The following CES2 variants were observed in gnomAD, a reference collection of about 807,000 sequenced individuals.
The protein encoded by CES2 is cocaine esterase.
CES2 carries 42 observed loss-of-function variants against 52.1 expected under a neutral mutation model. The ratio of observed to expected loss-of-function variants is 0.81; its 90% CI spans 0.63 to 1.04. The LOEUF (loss-of-function observed/expected upper bound fraction) is 1.04. Among genes scored for constraint, CES2 ranks in the 50% least tolerant of loss-of-function variants. The probability of loss-of-function intolerance (pLI) is 0.00; values close to 1 mark genes in which losing one functional copy is unlikely to be tolerated. For missense variants in CES2, 656 were observed against 724.3 expected (o/e 0.91, Z 1.08); for synonymous variants, 277 against 289.6 (o/e 0.96, Z 0.44).
chr16:66,942,745 G>T lies in CES2; in HGVS notation c.1380G>T (p.Glu460Asp), dbSNP rs750484760. 6.2e-7 allele frequency: 1 copy of T among 1,614,242 alleles called. No individual in the cohort carries two copies. Among genetic ancestry groups the T allele is most frequent in the South Asian group, 1.1e-5 (1 of 91,088 alleles). ...ACATGAAGGCAGACCATGGTGATGA[G>T]CTTCCTTTTGTTTTCAGAAGTTTCT... ...PPHMKADHGD[E>D]LPFVFRSFFG... The change falls in exon 10 of 12, where the codon GAG (glutamate) becomes GAT (aspartate). Residue 460 changes from glutamate (E) to aspartate (D), a missense_variant. By Grantham distance (45) the Glu-to-Asp change is conservative. Transcript: ENST00000317091.
In CES2 at chr16:66,943,755, TG is replaced by T; in HGVS notation, c.1494-83del. ...ACCTGGCCTGCTTGGCTGCCTTGCC[TG>T]ACCAGACTCAGGGTGCTCAGGTCTG... On this transcript the variant is annotated intron_variant, in intron 11 of 11. Coordinates refer to ENST00000317091, the MANE Select transcript of CES2 (RefSeq NM_001365405.1). This position sits in a 1 kb window ranked among gnomAD's most constrained non-coding sequence, Gnocchi z 4.2. The T allele has an allele frequency of 8.2e-7, 1 of 1,212,222 alleles. No individual in the cohort carries two copies. Among genetic ancestry groups the T allele is most frequent in the Non-Finnish European group, 1.2e-6 (1 of 867,612 alleles). 75.1% of individuals were successfully genotyped at this position (1,212,222 alleles called of 1,614,324 possible).
rs1270794513 is a variant in CES2 at position 66,944,025 on chromosome 16, G to A, written c.1680G>A (p.Ter560=). Residue 560 remains the stop codon, a stop_retained_variant, in exon 12 of 12, where the codon TAG becomes TAA. Transcript: ENST00000317091. ...EEPEERHTEL[*] is the part of the protein sequence containing the mutation. Reference sequence around the variant, plus strand: ...CTGAAGAGAGACACACAGAGCTGTAGCTCCCTGTGCCGGGGAGGAGGGGGT... The same window carrying A: ...CTGAAGAGAGACACACAGAGCTGTAACTCCCTGTGCCGGGGAGGAGGGGGT... The A allele has an allele frequency of 1.3e-6, 2 of 1,493,602 alleles. No homozygotes were observed. The highest frequency in any genetic ancestry group is 4.2e-5 in the Admixed American group (2 of 47,260). 92.5% of individuals were successfully genotyped at this position (1,493,602 alleles called of 1,614,324 possible). A position where few individuals can be genotyped will look rare whatever the true frequency, so the allele number is the denominator to read the frequency against.
rs1304530910 is a variant in CES2, at chr16:66,939,482, G to A, written c.423+124G>A. ...CATGCTGAGAAGCTTCTCACTGTCA[G>A]GTCCAAGAAATGCTCCTTACCCAGA... On this transcript the variant is annotated intron_variant, in intron 3 of 11. Transcript: ENST00000317091. The A allele has an allele frequency of 1.2e-5, 13 of 1,054,110 alleles. No homozygotes were observed. The South Asian group carries it at 1.9e-4, about 15-fold the overall frequency. The allele number at this position is 1,054,110 out of a possible 1,614,324, so 65.3% of individuals were successfully genotyped here.
Position 66,941,055 on chromosome 16 carries a change from C to T in CES2, c.817-69C>T, listed in dbSNP as rs145102669. 5.8e-4 allele frequency: 931 copies of T among 1,596,272 alleles called. 10 individuals are homozygous for T. In the East Asian group the frequency reaches 0.019, roughly 32 times the overall value. On this transcript the variant is annotated intron_variant, in intron 5 of 11. Coordinates refer to ENST00000317091, the MANE Select transcript of CES2 (RefSeq NM_001365405.1). ...GATTTGGGGTACCCCTGTTCTTGGCCAGGGCCTTGGGCAAACTCCTCTCCT... is the reference window on the plus strand; with the variant it reads ...GATTTGGGGTACCCCTGTTCTTGGCTAGGGCCTTGGGCAAACTCCTCTCCT...
Position 66,935,612 on chromosome 16 carries a change from C to A in CES2, c.-24C>A, listed in dbSNP as rs200069003. On this transcript the variant is annotated 5_prime_UTR_variant, in exon 1 of 12. Coordinates refer to ENST00000317091, the MANE Select transcript of CES2 (RefSeq NM_001365405.1). Reference sequence around the variant, plus strand: ...TGAACAGCAGCGTGTCCGCCGGCAGCGAACCGAGACCAGCGAGCCGACCAT... The same window carrying A: ...TGAACAGCAGCGTGTCCGCCGGCAGAGAACCGAGACCAGCGAGCCGACCAT... The A allele has an allele frequency of 2.5e-5, 40 of 1,608,874 alleles. No homozygotes were observed. In the Admixed American group the frequency reaches 2.8e-4, roughly 11 times the overall value.
intron 7 of CES2, 31 bp from the exon 8 acceptor site, chr16:66,941,737 C>G (rs756823243): frequency 6.2e-7 from 1 of 1,614,048 alleles, no homozygotes; most frequent in Admixed American, 1.7e-5. Context: ...TCATCCCATC[C>G]CCAGCTACAG....
At chr16:66,934,489 T>G, upstream of CES2, 1 of 1,374,394 alleles carries the variant, frequency 7.3e-7, no homozygotes, top group Non-Finnish European at 9.6e-7. This position sits in a 1 kb window ranked among gnomAD's most constrained non-coding sequence, Gnocchi z 4.1. Context: ...GCGTTGTGGG[T>G]TCTCGGCCTG....
chr16:66,939,483 G>A (rs1963304825), intron 3 of CES2, 125 bp downstream of exon 3: 1 of 1,042,942 alleles, frequency 9.6e-7, no homozygotes, highest in Non-Finnish European at 1.4e-6. Flanking sequence ...TCACTGTCAG[G>A]TCCAAGAAAT....
chr16:66,934,516 G>A, upstream of CES2: 1 of 1,237,762 alleles, frequency 8.1e-7, no homozygotes, highest in Non-Finnish European at 1.1e-6. This position sits in a 1 kb window ranked among gnomAD's most constrained non-coding sequence, Gnocchi z 4.1. Flanking sequence ...GAGAGAAGCG[G>A]TGACCGCGGC....
At chr16:66,935,900 G>T in intron 1 of CES2, 189 bp downstream of exon 1, 1 of 1,461,228 alleles carries the variant, frequency 6.8e-7, no homozygotes, top group Non-Finnish European at 9.0e-7. Flanking sequence ...GCACAGAAAG[G>T]GTCGGGCTGG....
chr16:66,940,880 G>A (rs563561137), intron 5 of CES2, among the ~76,000 whole-genome samples, 185 bp downstream of exon 5: 1 of 152,330 alleles, frequency 6.6e-6, no homozygotes, highest in African/African-American at 2.4e-5. Context: ...CAGAGGCCGA[G>A]CTTGTTCTGT....
intron 1 of CES2, among the ~76,000 whole-genome samples, chr16:66,936,636 G>A (rs771775428): frequency 6.6e-6 from 1 of 152,178 alleles, no homozygotes; most frequent in South Asian, 2.1e-4. Context: ...TGCCTGCCAG[G>A]CTTCTCCAGG....
chr16:66,940,558 G>T lies in CES2; in HGVS notation c.679G>T (p.Glu227Ter). ...CCCTGACCGTGTCACCATTTTTGGC[G>T]AGTCTGCGGGTGGCACGAGTGTGTC... Reference protein sequence around the residue: ...GNPDRVTIFGESAGGTSVSSL... With the variant: ...GNPDRVTIFG Residue 227 changes from glutamate (E) to a stop codon, truncating the protein, a stop_gained, in exon 5 of 12, where the codon GAG becomes TAG. Coordinates refer to ENST00000317091, the MANE Select transcript of CES2 (RefSeq NM_001365405.1). LOFTEE classifies it high-confidence loss of function. The T allele has an allele frequency of 6.2e-7, 1 of 1,614,218 alleles. No individual in the cohort carries two copies. Among genetic ancestry groups the T allele is most frequent in the Non-Finnish European group, 8.5e-7 (1 of 1,180,032 alleles).
rs1963401417 is a variant in CES2, at chr16:66,942,933, T to C, written c.1420+148T>C. On this transcript the variant is annotated intron_variant, in intron 10 of 11. Transcript: ENST00000317091. The stretch of plus-strand genomic sequence containing the variant: ...TCCAAGGTTTTATAGCTCCAAAAGC[T>C]GCACCAGGATTAGAATTCACGACTC... 3.6e-6 allele frequency: 5 copies of C among 1,387,220 alleles called. No homozygotes were observed. In the South Asian group the frequency reaches 5.7e-5, roughly 16 times the overall value. The allele number at this position is 1,387,220 out of a possible 1,614,324, so 85.9% of individuals were successfully genotyped here. A position where few individuals can be genotyped will look rare whatever the true frequency, so the allele number is the denominator to read the frequency against.
intron 3 of CES2, among the ~76,000 whole-genome samples, 192 bp from the exon 4 acceptor site, chr16:66,940,030 C>T (rs1003205190): frequency 6.6e-6 from 1 of 152,062 alleles, no homozygotes; most frequent in Non-Finnish European, 1.5e-5. Context: ...ACAGGGGGTT[C>T]GATTGCAAAG....
At chr16:66,942,623 G>C in intron 9 of CES2, 25 bp from the exon 10 acceptor site, 1 of 1,612,752 alleles carries the variant, frequency 6.2e-7, no homozygotes, top group Non-Finnish European at 8.5e-7. Flanking sequence ...AGGGGCCACC[G>C]TGTCATGGGC....
At chr16:66,941,379 A>C in intron 6 of CES2, 127 bp from the exon 7 acceptor site, 1 of 1,520,764 alleles carries the variant, frequency 6.6e-7, no homozygotes, top group Non-Finnish European at 8.9e-7. Flanking sequence ...ATGCTGAGCC[A>C]AACAGTAATC....
intron 2 of CES2, among the ~76,000 whole-genome samples, chr16:66,938,782 AGAGTTTAGACTTGG>A (rs1348361613): frequency 6.6e-6 from 1 of 152,166 alleles, no homozygotes; most frequent in African/African-American, 2.4e-5. Flanking sequence ...TGAGTTTTTG[AGAGTTTAGACTTGG>A]GATGAGAGAC....
Position 66,939,306 on chromosome 16 carries a change from T to G in CES2, c.371T>G (p.Leu124Arg). 6.2e-7 allele frequency: 1 copy of G among 1,613,860 alleles called. No individual in the cohort carries two copies. Among genetic ancestry groups the G allele is most frequent in the Non-Finnish European group, 8.5e-7 (1 of 1,179,782 alleles). Residue 124 changes from leucine (L) to arginine (R), a missense_variant, in exon 3 of 12, where the codon CTG becomes CGG. Physicochemically the swap from Leu to Arg is moderately radical, Grantham distance 102. Coordinates refer to ENST00000317091, the MANE Select transcript of CES2 (RefSeq NM_001365405.1). ...TCCGACTCCATGTCTGAGGACTGCC[T>G]GTACCTCAGCATCTACACGCCGGCC... ...FPSDSMSEDC[L>R]YLSIYTPAHS...
Sources: gnomAD v4.1 joint callset for allele counts (sites outside exome capture counted in the v4.1 genomes callset) on GRCh38, gnomAD v4.1.1 for gene constraint, Gnocchi (gnomAD v3.1) non-coding constraint, MANE v1.5 for transcripts, NCBI Gene and HGNC (gene_info 2026-07-23, HGNC 2026-07-21) for gene names.